Variants in SLC24A3 observed in about 807,000 individuals in gnomAD.
The protein encoded by SLC24A3 is sodium/potassium/calcium exchanger 3.
A neutral mutation model predicts 75.8 loss-of-function variants in SLC24A3; 28 were observed. The observed-to-expected ratio is 0.37, with a 90% CI of 0.27 to 0.51. The LOEUF is 0.51. Ranked by LOEUF, SLC24A3 falls within the 20% of genes least tolerant of loss-of-function variation. The probability of loss-of-function intolerance (pLI) is 0.94; values close to 1 mark genes in which losing one functional copy is unlikely to be tolerated. For missense variants in SLC24A3, 663 were observed against 847.8 expected, an observed-to-expected ratio of 0.78 and a Z score of 2.71; for synonymous variants, 372 against 334.1, an observed-to-expected ratio of 1.11 and a Z score of -1.24.
chr20:19,552,297 G>A (rs766715116), intron 3 of SLC24A3, among the ~76,000 whole-genome samples: 2 of 152,126 alleles, frequency 1.3e-5, no homozygotes, highest in Non-Finnish European at 2.9e-5. Flanking sequence ...AATCACCAAG[G>A]ACAGCCCAGC....
chr20:19,721,311 TC>T lies in SLC24A3; in HGVS notation c.*176del. On this transcript the variant is annotated 3_prime_UTR_variant, in exon 17 of 17. Transcript: ENST00000328041. ...AGGCTCTCCCCTGACCCATCCTCGC[TC>T]CCCCACCTCCTTGGGTCATGCCCAC... The T allele has an allele frequency of 2.8e-6, 2 of 703,076 alleles. No homozygotes were observed. The highest frequency in any genetic ancestry group is 2.3e-6 in the Non-Finnish European group (1 of 442,242). 43.6% of individuals were successfully genotyped at this position (703,076 alleles called of 1,614,324 possible).
chr20:19,339,255 A>C (rs1296197899), intron 2 of SLC24A3, among the ~76,000 whole-genome samples: 6 of 151,738 alleles, frequency 4.0e-5, no homozygotes, highest in African/African-American at 1.2e-4. Flanking sequence ...TCTGGGCTTC[A>C]TTTGAGTGGA....
chr20:19,507,715 C>A (rs1988481560), intron 2 of SLC24A3, among the ~76,000 whole-genome samples: 1 of 152,146 alleles, frequency 6.6e-6, no homozygotes, highest in Admixed American at 6.5e-5. Context: ...GTCTCTGGAA[C>A]AATGAGAAAT....
Position 19,344,335 on chromosome 20 carries a change from G to A in SLC24A3, c.271+63248G>A, listed in dbSNP as rs6136686. Among the ~76,000 whole-genome samples, 12 of 152,250 alleles carry A rather than the reference G, an allele frequency of 7.9e-5. No individual in the cohort carries two copies. The East Asian group carries it at 2.1e-3, about 27-fold the overall frequency. Reference sequence around the variant, plus strand: ...TACTCTGTCTCTGAGCAGTACTTGCGAGCATTCTGAATCCTAGCCTTTTAC... The same window carrying A: ...TACTCTGTCTCTGAGCAGTACTTGCAAGCATTCTGAATCCTAGCCTTTTAC... On this transcript the variant is annotated intron_variant, in intron 2 of 16. Coordinates refer to ENST00000328041, the MANE Select transcript of SLC24A3 (RefSeq NM_020689.4).
intron 14 of SLC24A3, among the ~76,000 whole-genome samples, 177 bp downstream of exon 14, chr20:19,697,088 C>T (rs570604250): frequency 1.3e-5 from 2 of 151,642 alleles, no homozygotes; most frequent in South Asian, 2.1e-4. Context: ...GGAAGTCAGG[C>T]GGGCAGGCGG....
chr20:19,451,962 C>T (rs1378866668), intron 2 of SLC24A3, among the ~76,000 whole-genome samples: 2 of 152,210 alleles, frequency 1.3e-5, no homozygotes, highest in Non-Finnish European at 2.9e-5. Context: ...ATCCCGTTTG[C>T]TTTCCTTGAC....
At chr20:19,377,480 T>A (rs1302206833) in intron 2 of SLC24A3, among the ~76,000 whole-genome samples, 2 of 152,130 alleles carry the variant, frequency 1.3e-5, no homozygotes, top group East Asian at 3.8e-4. Flanking sequence ...TTTGGTGACG[T>A]TCTAGAACAG....
chr20:19,231,086 C>T (rs559539727), intron 1 of SLC24A3, among the ~76,000 whole-genome samples: 2 of 152,274 alleles, frequency 1.3e-5, no homozygotes, highest in Non-Finnish European at 2.9e-5. Context: ...GTATTATTAT[C>T]CTCATTTAAA....
chr20:19,699,490 A>T (rs2032847683), intron 15 of SLC24A3, among the ~76,000 whole-genome samples: 1 of 152,260 alleles, frequency 6.6e-6, no homozygotes, highest in African/African-American at 2.4e-5. Context: ...GGTAAGATAT[A>T]TAAGGGCTGT....
At chr20:19,672,187 GCAGTGTGCA>G in intron 8 of SLC24A3, among the ~76,000 whole-genome samples, 1 of 152,170 alleles carries the variant, frequency 6.6e-6, no homozygotes, top group East Asian at 1.9e-4. Flanking sequence ...GCACTGAAAC[GCAGTGTGCA>G]CAGCCCTTTA....
intron 2 of SLC24A3, among the ~76,000 whole-genome samples, chr20:19,332,679 C>A (rs1985028357): frequency 6.6e-6 from 1 of 152,142 alleles, no homozygotes; most frequent in Non-Finnish European, 1.5e-5. Flanking sequence ...GGGAGAAAAC[C>A]ACCTTGAGGT....
In SLC24A3 at chr20:19,212,972, C is replaced by A. The variant is rs1981446877; in HGVS notation, c.130C>A (p.Arg44=). The part of the protein sequence containing the change: ...ALLLWSLSSL[R]EQKELDLMDL... ...GCTGCTCTGGTCGCTGTCGAGCCTG[C>A]GAGAGCAGAAGGGTGAGTGCACGCT... Residue 44 remains arginine, a synonymous_variant, in exon 1 of 17, where the codon CGA becomes AGA. Coordinates refer to ENST00000328041, the MANE Select transcript of SLC24A3 (RefSeq NM_020689.4). 7.7e-7 allele frequency: 1 copy of A among 1,299,980 alleles called. No individual in the cohort carries two copies. The highest frequency in any genetic ancestry group is 2.7e-5 in the South Asian group (1 of 37,034). 80.5% of individuals were successfully genotyped at this position (1,299,980 alleles called of 1,614,324 possible).
intron 6 of SLC24A3, among the ~76,000 whole-genome samples, chr20:19,650,108 T>C (rs1255941706): frequency 6.6e-6 from 1 of 152,144 alleles, no homozygotes; most frequent in Non-Finnish European, 1.5e-5. Context: ...AAATTCCTTC[T>C]AGAGTGTGGA....
intron 2 of SLC24A3, among the ~76,000 whole-genome samples, chr20:19,318,743 C>T (rs1293814861): frequency 1.3e-5 from 2 of 151,998 alleles, no homozygotes; most frequent in South Asian, 2.1e-4. Context: ...CACAAGGACA[C>T]GTGGGATGCT....
intron 2 of SLC24A3, among the ~76,000 whole-genome samples, chr20:19,494,143 G>A (rs554857823): frequency 6.6e-6 from 1 of 152,062 alleles, no homozygotes; most frequent in East Asian, 1.9e-4. Context: ...GGCCCCATGT[G>A]CCCAGCAGAG....
At chr20:19,508,946 A>C (rs555359753) in intron 2 of SLC24A3, among the ~76,000 whole-genome samples, 2 of 152,370 alleles carry the variant, frequency 1.3e-5, no homozygotes, top group East Asian at 3.9e-4. Flanking sequence ...CCATCCAGGT[A>C]AACAGATGCC....
Position 19,592,793 on chromosome 20 carries a change from C to CTTTT in SLC24A3, c.612+7252_612+7253insTTTT, listed in dbSNP as rs11471623. 5.6e-4 allele frequency among the ~76,000 whole-genome samples: 67 copies of CTTTT among 119,652 alleles called. 1 individual carries two copies. The highest frequency in any genetic ancestry group is 6.5e-4 in the Admixed American group (7 of 10,740). 78.5% of individuals were successfully genotyped at this position (119,652 alleles called of 152,430 possible). A position where few individuals can be genotyped will look rare whatever the true frequency, so the allele number is the denominator to read the frequency against. On this transcript the variant is annotated intron_variant, in intron 6 of 16. Transcript: ENST00000328041. ...TCTTCGGCAAAAATTTTCTTTCTTTCTTTCTTTTTTTTTTTTTTTTGAGAT... is the reference window on the plus strand; with the variant it reads ...TCTTCGGCAAAAATTTTCTTTCTTTCTTTTTTTCTTTTTTTTTTTTTTTTGAGAT...
rs533323907 is a variant in SLC24A3, at chr20:19,650,174, C to CA, written c.613-3878dup. On this transcript the variant is annotated intron_variant, in intron 6 of 16. Coordinates refer to ENST00000328041, the MANE Select transcript of SLC24A3 (RefSeq NM_020689.4). Reference sequence around the variant, plus strand: ...TGTGCTCCAGTTTGTCACCTCTATGCAAAAAAAAAATGATTTTGCTAAGGG... The same window carrying CA: ...TGTGCTCCAGTTTGTCACCTCTATGCAAAAAAAAAAATGATTTTGCTAAGGG... Among the ~76,000 whole-genome samples the CA allele has an allele frequency of 1.2e-3, 173 of 145,382 alleles. 2 individuals are homozygous for CA. The South Asian group carries it at 0.017, about 15-fold the overall frequency.
rs6035405 is a variant in SLC24A3, at chr20:19,660,605, G to A, written c.688-5259G>A. 5.7e-3 allele frequency among the ~76,000 whole-genome samples: 872 copies of A among 152,150 alleles called. 12 individuals carry two copies. The highest frequency in any genetic ancestry group is 0.02 in the African/African-American group (814 of 41,490). On this transcript the variant is annotated intron_variant, in intron 7 of 16. Coordinates refer to ENST00000328041, the MANE Select transcript of SLC24A3 (RefSeq NM_020689.4). ...ATTGTGCTGTGATAAACATACTCAC[G>A]CAGGTGTCTTTTTGATAGAATGATT...
Sources: gnomAD v4.1 joint callset for allele counts (sites outside exome capture counted in the v4.1 genomes callset) on GRCh38, gnomAD v4.1.1 for gene constraint, MANE v1.5 for transcripts, NCBI Gene and HGNC (gene_info 2026-07-23, HGNC 2026-07-21) for gene names.